BAZ2B: variants seen among roughly 807,000 people sequenced by gnomAD.
The protein encoded by BAZ2B is bromodomain adjacent to zinc finger domain 2B, also known as bromodomain adjacent to zinc finger domain protein 2B.
BAZ2B carries 91 observed loss-of-function variants against 246.0 expected under a neutral mutation model. The ratio of observed to expected loss-of-function variants is 0.37; its 90% CI spans 0.31 to 0.44. BAZ2B has a LOEUF of 0.44. Among genes scored for constraint, BAZ2B ranks in the 20% least tolerant of loss-of-function variants. The pLI is 1.00. For synonymous variants in BAZ2B, 855 were observed against 860.0 expected, an observed-to-expected ratio of 0.99 and a Z score of 0.10; for missense variants, 2,332 against 2,533.7, an observed-to-expected ratio of 0.92 and a Z score of 1.71.
intron 27 of BAZ2B, among the ~76,000 whole-genome samples, chr2:159,357,678 T>C (rs1291989113): frequency 2.0e-5 from 3 of 151,388 alleles, no homozygotes; most frequent in African/African-American, 7.3e-5. Context: ...TTCACCAAGG[T>C]TGAAATGAAG....
intron 3 of BAZ2B, among the ~76,000 whole-genome samples, chr2:159,468,414 T>G (rs1450197932): frequency 6.6e-6 from 1 of 152,040 alleles, no homozygotes; most frequent in Admixed American, 6.5e-5. Context: ...TTTTCACAGG[T>G]ACAGAGGAGA....
At chr2:159,571,986 C>A (rs1459205112) in intron 1 of BAZ2B, among the ~76,000 whole-genome samples, 2 of 152,224 alleles carry the variant, frequency 1.3e-5, no homozygotes, top group Non-Finnish European at 2.9e-5. Context: ...CAAGTTTCAA[C>A]ATGATTTTTG....
chr2:159,381,187 T>C (rs2061959540), intron 25 of BAZ2B, among the ~76,000 whole-genome samples: 1 of 152,140 alleles, frequency 6.6e-6, no homozygotes, highest in African/African-American at 2.4e-5. Flanking sequence ...TAAATTATCA[T>C]CTACCTGATA....
intron 2 of BAZ2B, among the ~76,000 whole-genome samples, chr2:159,524,850 TTA>T (rs2084554176): frequency 6.6e-6 from 1 of 152,088 alleles, no homozygotes; most frequent in Admixed American, 6.6e-5. Flanking sequence ...TTACAAGGCA[TTA>T]TGTTAAATGC....
At chr2:159,520,642 T>C (rs1472880813) in intron 2 of BAZ2B, among the ~76,000 whole-genome samples, 1 of 152,200 alleles carries the variant, frequency 6.6e-6, no homozygotes, top group Non-Finnish European at 1.5e-5. Flanking sequence ...ATATTTATTA[T>C]GATTGCATCA....
Position 159,433,276 on chromosome 2 carries a change from G to C in BAZ2B, c.1381C>G (p.Pro461Ala). Residue 461 changes from proline to alanine, a missense_variant, in exon 9 of 37, where the codon CCA becomes GCA. Physicochemically the swap from Pro to Ala is conservative, Grantham distance 27. This residue lies in a region of BAZ2B where 651 missense variants were observed against 650.9 expected (regional missense o/e 1.00). Coordinates refer to ENST00000392783, the MANE Select transcript of BAZ2B (RefSeq NM_013450.4). ...GCTGGTGAACTAGAGGTTGCTTTTGGATTTGACAAAGCTGCAATAACCTTC... is the reference window on the plus strand; with the variant it reads ...GCTGGTGAACTAGAGGTTGCTTTTGCATTTGACAAAGCTGCAATAACCTTC... Reference protein sequence around the residue: ...LKKVIAALSNPKATSSSPAHP... With the variant: ...LKKVIAALSNAKATSSSPAHP... 6.2e-7 allele frequency: 1 copy of C among 1,614,104 alleles called. No individual in the cohort carries two copies. The highest frequency in any genetic ancestry group is 8.5e-7 in the Non-Finnish European group (1 of 1,180,006).
chr2:159,686,226 A>G, the BAZ2B span, among the ~76,000 whole-genome samples: 5 of 152,308 alleles, frequency 3.3e-5, no homozygotes, highest in South Asian at 1.0e-3. Flanking sequence ...TGATAGCATC[A>G]TTACATTCCA....
At chr2:159,349,668 TA>T in intron 28 of BAZ2B, 39 bp downstream of exon 28, 2 of 1,536,646 alleles carry the variant, frequency 1.3e-6, no homozygotes, top group African/African-American at 1.4e-5. Context: ...AAAGATTACA[TA>T]AAGCAATATA....
At chr2:159,447,522 G>A (rs920107624) in intron 5 of BAZ2B, among the ~76,000 whole-genome samples, 38 of 152,086 alleles carry the variant, frequency 2.5e-4, no homozygotes, top group African/African-American at 8.7e-4. Context: ...GTTATTAATT[G>A]CAGAAATATT....
Position 159,349,834 on chromosome 2 carries a change from T to A in BAZ2B, c.4737A>T (p.Ser1579=), listed in dbSNP as rs1053660502. The change falls in exon 28 of 37, where the codon TCA becomes TCT. Residue 1579 remains serine, a synonymous_variant. Transcript: ENST00000392783. ...ACTGAGGAGTCACCAAAGAAGCAGT[T>A]GACATATCGGCATGAGTAAGTGAAG... is the stretch of plus-strand genomic sequence containing the variant. ...DDTSLTHADM[S]TASLVTPQSQ... The A allele has an allele frequency of 2.5e-6, 4 of 1,614,174 alleles. No homozygotes were observed. Among genetic ancestry groups the A allele is most frequent in the Non-Finnish European group, 3.4e-6 (4 of 1,180,014 alleles).
chr2:159,689,113 G>C, the BAZ2B span: 21 of 276,724 alleles, frequency 7.6e-5, no homozygotes, highest in Admixed American at 1.1e-3. Context: ...AACAATTCCT[G>C]ACTAGAATTC....
intron 2 of BAZ2B, among the ~76,000 whole-genome samples, chr2:159,528,412 G>A (rs962261847): frequency 3.9e-5 from 6 of 152,190 alleles, no homozygotes; most frequent in African/African-American, 1.4e-4. Context: ...GCCAGGTGCA[G>A]TGGCTCATGC....
chr2:159,332,420 T>C (rs1037634908), intron 34 of BAZ2B, 120 bp downstream of exon 34: 11 of 983,490 alleles, frequency 1.1e-5, no homozygotes, highest in Middle Eastern at 3.3e-4. Context: ...CCAGGAGTTT[T>C]AGGCTGTAGT....
the BAZ2B span, among the ~76,000 whole-genome samples, chr2:159,701,368 C>T: frequency 7.6e-4 from 115 of 151,824 alleles, 1 homozygote; most frequent in African/African-American, 2.7e-3. Flanking sequence ...ATAATGAAGG[C>T]CACTCTAATG....
chr2:159,592,269 G>C (rs1158717818), intron 1 of BAZ2B, among the ~76,000 whole-genome samples: 1 of 152,048 alleles, frequency 6.6e-6, no homozygotes, highest in African/African-American at 2.4e-5. Flanking sequence ...AAGTAATTCT[G>C]GGATCATGTT....
the BAZ2B span, among the ~76,000 whole-genome samples, chr2:159,676,952 TTA>T: frequency 0.051 from 5,971 of 116,968 alleles, 135 homozygotes; most frequent in South Asian, 0.06. Flanking sequence ...AATAGTTTTG[TTA>T]TATATATATA....
intron 33 of BAZ2B, among the ~76,000 whole-genome samples, chr2:159,335,543 CAAAAAA>C (rs10590482): frequency 8.9e-6 from 1 of 112,220 alleles, no homozygotes. Context: ...GACTCTGTCT[CAAAAAA>C]AAAAAAAAAA....
intron 13 of BAZ2B, among the ~76,000 whole-genome samples, chr2:159,417,866 GA>G (rs931121132): frequency 6.6e-6 from 1 of 152,144 alleles, no homozygotes; most frequent in South Asian, 2.1e-4. Flanking sequence ...TAATGCATTA[GA>G]AAAAGAGTTT....
At chr2:159,602,918 C>CT (rs1252601373) in intron 1 of BAZ2B, among the ~76,000 whole-genome samples, 1 of 152,178 alleles carries the variant, frequency 6.6e-6, no homozygotes, top group Non-Finnish European at 1.5e-5. Flanking sequence ...GGGTGGACTG[C>CT]TTCAGGCCGG....
Sources: gnomAD v4.1 joint callset for allele counts (sites outside exome capture counted in the v4.1 genomes callset) on GRCh38, gnomAD v4.1.1 for gene constraint, gnomAD v4.1.1 regional missense constraint, MANE v1.5 for transcripts, NCBI Gene and HGNC (gene_info 2026-07-23, HGNC 2026-07-21) for gene names.